The following SLC12A6 variants were observed in gnomAD, a reference collection of about 807,000 sequenced individuals.
SLC12A6 encodes the protein K-Cl cotransporter 3.
SLC12A6 carries 66 observed loss-of-function variants against 135.3 expected under a neutral mutation model. The ratio of observed to expected loss-of-function variants is 0.49; its 90% CI spans 0.40 to 0.60. SLC12A6 has a LOEUF of 0.60. Among genes scored for constraint, SLC12A6 ranks in the 20% least tolerant of loss-of-function variants. The pLI is 0.00. For synonymous variants in SLC12A6, 513 were observed against 508.8 expected, an observed-to-expected ratio of 1.01 and a Z score of -0.11; for missense variants, 1,058 against 1,452.3, an observed-to-expected ratio of 0.73 and a Z score of 4.41.
intron 19 of SLC12A6, among the ~76,000 whole-genome samples, chr15:34,240,191 A>T (rs1260770453): frequency 1.3e-5 from 2 of 152,142 alleles, no homozygotes; most frequent in African/African-American, 4.8e-5. Flanking sequence ...TAAGTATTAG[A>T]GTGAAAACAA....
At chr15:34,278,635 G>A (rs1197242481) in intron 2 of SLC12A6, among the ~76,000 whole-genome samples, 3 of 151,692 alleles carry the variant, frequency 2.0e-5, no homozygotes, top group East Asian at 4.0e-4. Context: ...GCAGTAGCGC[G>A]ATCTCGGCTC....
Position 34,256,292 on chromosome 15 carries a change from AAAAGG to A in SLC12A6, c.691-14_691-10del. The A allele has an allele frequency of 6.3e-7, 1 of 1,587,584 alleles. No homozygotes were observed. Among genetic ancestry groups the A allele is most frequent in the Non-Finnish European group, 8.7e-7 (1 of 1,155,810 alleles). ...ATAGCAGTCAACATTGTCTGCAGAG[AAAAGG>A]AAAGGAGAGGATTGTTACTGTGTAA... is the stretch of plus-strand genomic sequence containing the variant. On this transcript the variant is annotated splice_polypyrimidine_tract_variant and intron_variant, in intron 6 of 25. Coordinates refer to ENST00000354181, the MANE Select transcript of SLC12A6 (RefSeq NM_001365088.1).
chr15:34,290,743 T>C lies in SLC12A6; in HGVS notation c.272-15354A>G, dbSNP rs144551092. Among the ~76,000 whole-genome samples the C allele has an allele frequency of 3.4e-3, 513 of 152,312 alleles. 1 individual carries two copies. The highest frequency in any genetic ancestry group is 0.012 in the African/African-American group (481 of 41,556). On this transcript the variant is annotated intron_variant, in intron 2 of 25. Coordinates refer to ENST00000354181, the MANE Select transcript of SLC12A6 (RefSeq NM_001365088.1). Reference sequence around the variant, plus strand: ...ACCATTATGTAAATGTCTCTTTTGATCTTTGTTGGTTTAAAGTCTGTTTTA... The same window carrying C: ...ACCATTATGTAAATGTCTCTTTTGACCTTTGTTGGTTTAAAGTCTGTTTTA...
In SLC12A6 at chr15:34,302,635, C is replaced by T. The variant is rs563070415; in HGVS notation, c.272-27246G>A. ...GCTTGAACCCAGGAGGCGGAGGTTG[C>T]AGTAAGCTGAGATTGTGCCACTGCA... is the stretch of plus-strand genomic sequence containing the variant. On this transcript the variant is annotated intron_variant, in intron 2 of 25. Transcript: ENST00000354181. Among the ~76,000 whole-genome samples, 7 of 152,260 alleles carry T rather than the reference C, an allele frequency of 4.6e-5. No homozygotes were observed. The South Asian group carries it at 1.4e-3, about 32-fold the overall frequency.
In SLC12A6 at chr15:34,236,770, T is replaced by G; in HGVS notation, c.2980A>C (p.Met994Leu). The change falls in exon 23 of 26, where the codon ATG (methionine) becomes CTG (leucine). Residue 994 changes from methionine (M) to leucine (L), a missense_variant. Physicochemically the swap from Met to Leu is conservative, Grantham distance 15 (BLOSUM62 2). Around this residue, in one of 6 missense-constraint regions of SLC12A6, gnomAD observed 245 missense variants for 440.8 expected, o/e 0.56. Transcript: ENST00000354181. The part of the protein sequence containing the change: ...SAYTYERTLM[M>L]EQRSQMLRHM... ...CGGAGCATCTGGGACCTTTGTTCCA[T>G]CATCAAAGTGCGCTCGTAAGTATAT... is the stretch of plus-strand genomic sequence containing the variant. The G allele has an allele frequency of 6.2e-7, 1 of 1,613,036 alleles. No homozygotes were observed. Among genetic ancestry groups the G allele is most frequent in the Non-Finnish European group, 8.5e-7 (1 of 1,178,968 alleles).
At chr15:34,278,047 G>A (rs1445747248) in intron 2 of SLC12A6, among the ~76,000 whole-genome samples, 1 of 152,220 alleles carries the variant, frequency 6.6e-6, no homozygotes, top group Non-Finnish European at 1.5e-5. Flanking sequence ...TACAACCTAT[G>A]AAGAGAAATA....
chr15:34,267,829 C>T (rs1893631580), intron 3 of SLC12A6, among the ~76,000 whole-genome samples: 1 of 152,150 alleles, frequency 6.6e-6, no homozygotes, highest in South Asian at 2.1e-4. Context: ...AGATTTTCTG[C>T]AGTTTCATTA....
intron 2 of SLC12A6, among the ~76,000 whole-genome samples, chr15:34,316,782 T>G (rs527753883): frequency 5.9e-5 from 9 of 152,288 alleles, no homozygotes; most frequent in Admixed American, 5.2e-4. Context: ...AAAGCAAATT[T>G]CTGCAAACAT....
At chr15:34,325,906 G>A (rs369382348) in intron 2 of SLC12A6, among the ~76,000 whole-genome samples, 5 of 152,098 alleles carry the variant, frequency 3.3e-5, no homozygotes, top group Non-Finnish European at 5.9e-5. Flanking sequence ...AGGATTATAC[G>A]TCCAATGCAC....
intron 3 of SLC12A6, among the ~76,000 whole-genome samples, chr15:34,273,450 A>G (rs974890768): frequency 6.6e-6 from 1 of 152,248 alleles, no homozygotes; most frequent in Non-Finnish European, 1.5e-5. Flanking sequence ...TTTACTTAAC[A>G]AATATATACT....
At chr15:34,270,875 C>T (rs1025796796) in intron 3 of SLC12A6, among the ~76,000 whole-genome samples, 1 of 151,206 alleles carries the variant, frequency 6.6e-6, no homozygotes, top group African/African-American at 2.4e-5. Flanking sequence ...TAATTGACTC[C>T]AAGTTCAGCA....
At chr15:34,268,839 T>C (rs1178105238) in intron 3 of SLC12A6, among the ~76,000 whole-genome samples, 1 of 151,816 alleles carries the variant, frequency 6.6e-6, no homozygotes, top group Non-Finnish European at 1.5e-5. Flanking sequence ...CAGATTACTA[T>C]TATGTTTCTT....
chr15:34,248,568 C>CCACACACA (rs34055235), intron 13 of SLC12A6, among the ~76,000 whole-genome samples: 38 of 149,386 alleles, frequency 2.5e-4, no homozygotes, highest in Non-Finnish European at 4.2e-4. Flanking sequence ...ACACCCCCAC[C>CCACACACA]CACACACACA....
At chr15:34,241,429 CAT>C (rs1716293394) in intron 17 of SLC12A6, 92 bp from the exon 18 acceptor site, 1 of 715,072 alleles carries the variant, frequency 1.4e-6, no homozygotes, top group Non-Finnish European at 2.5e-6. Context: ...AAAAATCACA[CAT>C]GTGCAAGGTA....
intron 2 of SLC12A6, among the ~76,000 whole-genome samples, chr15:34,312,268 C>CAA (rs1888310915): frequency 6.6e-6 from 1 of 152,168 alleles, no homozygotes; most frequent in East Asian, 1.9e-4. Flanking sequence ...GGGGATCCTC[C>CAA]CGTACATCCT....
Position 34,237,111 on chromosome 15 carries a change from T to C in SLC12A6, c.2935-296A>G, listed in dbSNP as rs1410240135. 6.4e-6 allele frequency: 3 copies of C among 470,824 alleles called. No individual in the cohort carries two copies. The East Asian group carries it at 1.3e-4, about 20-fold the overall frequency. 29.2% of individuals were successfully genotyped at this position (470,824 alleles called of 1,614,324 possible). A position where few individuals can be genotyped will look rare whatever the true frequency, so the allele number is the denominator to read the frequency against. On this transcript the variant is annotated intron_variant, in intron 22 of 25. Coordinates refer to ENST00000354181, the MANE Select transcript of SLC12A6 (RefSeq NM_001365088.1). ...ACTGTTAGGTTTTTTTTAAAAGCCA[T>C]GTGTGATTTTAAGCTGAATATATGA...
chr15:34,234,141 A>C (rs1891097523), intron 25 of SLC12A6, among the ~76,000 whole-genome samples, 169 bp from the exon 26 acceptor site: 1 of 152,234 alleles, frequency 6.6e-6, no homozygotes, highest in African/African-American at 2.4e-5. Context: ...AAGTAACCAG[A>C]GATCCAGTCC....
chr15:34,273,971 T>G (rs1894130748), intron 3 of SLC12A6, among the ~76,000 whole-genome samples: 1 of 152,154 alleles, frequency 6.6e-6, no homozygotes, highest in South Asian at 2.1e-4. Context: ...ACATATCTTT[T>G]GAGTAAGGAA....
intron 2 of SLC12A6, among the ~76,000 whole-genome samples, chr15:34,325,138 T>TA (rs1182727636): frequency 6.6e-6 from 1 of 152,126 alleles, no homozygotes; most frequent in Non-Finnish European, 1.5e-5. Flanking sequence ...ATAAACATCT[T>TA]ACAGGAGAAT....
Sources: gnomAD v4.1 joint callset for allele counts (sites outside exome capture counted in the v4.1 genomes callset) on GRCh38, gnomAD v4.1.1 for gene constraint, gnomAD v4.1.1 regional missense constraint, MANE v1.5 for transcripts, NCBI Gene and HGNC (gene_info 2026-07-23, HGNC 2026-07-21) for gene names.